PKP4: variants seen among roughly 807,000 people sequenced by gnomAD.
The protein encoded by PKP4 is plakophilin-4.
Under a neutral mutation model 145.1 loss-of-function variants are expected in PKP4, and 90 were observed. The observed-to-expected ratio is 0.62, with a 90% CI of 0.52 to 0.74. The LOEUF (loss-of-function observed/expected upper bound fraction) is 0.74, where lower values mean the gene tolerates loss of function less well. PKP4 is among the 30% of genes least tolerant of loss of function. The pLI is 0.00. For missense variants in PKP4, 1,340 were observed against 1,482.7 expected (o/e 0.90, Z 1.58); for synonymous variants, 563 against 577.2 (o/e 0.98, Z 0.35).
chr2:158,562,306 G>A (rs1226836314), intron 2 of PKP4, among the ~76,000 whole-genome samples: 1 of 152,138 alleles, frequency 6.6e-6, no homozygotes, highest in Admixed American at 6.5e-5. Context: ...TATATATTGC[G>A]ATGGAATATT....
At chr2:158,554,199 T>A (rs903768416) in intron 2 of PKP4, among the ~76,000 whole-genome samples, 2 of 151,966 alleles carry the variant, frequency 1.3e-5, no homozygotes, top group Non-Finnish European at 2.9e-5. Flanking sequence ...CTTCTGGCAC[T>A]CACTGTCATT....
intron 17 of PKP4, among the ~76,000 whole-genome samples, chr2:158,670,192 A>G (rs565805827): frequency 1.3e-5 from 2 of 152,276 alleles, no homozygotes; most frequent in South Asian, 2.1e-4. Context: ...CTGTAACAAA[A>G]TGTTGTGAAC....
In PKP4 at chr2:158,476,839, G is replaced by A. The variant is rs193188518; in HGVS notation, c.-6+19621G>A. Among the ~76,000 whole-genome samples the A allele has an allele frequency of 9.7e-4, 147 of 152,128 alleles. 1 individual carries two copies. The highest frequency in any genetic ancestry group is 1.9e-3 in the Non-Finnish European group (132 of 68,004). On this transcript the variant is annotated intron_variant, in intron 1 of 21. Coordinates refer to ENST00000389759, the MANE Select transcript of PKP4 (RefSeq NM_003628.6). ...GCTGCATTCACAGGTGACCACTGATGTCATTTTGTTTTATATGCTTCCAGG... is the reference window on the plus strand; with the variant it reads ...GCTGCATTCACAGGTGACCACTGATATCATTTTGTTTTATATGCTTCCAGG...
rs573088666 is a variant in PKP4, at chr2:158,498,450, T to C, written c.-5-34730T>C. 3.3e-5 allele frequency among the ~76,000 whole-genome samples: 5 copies of C among 152,368 alleles called. No individual in the cohort carries two copies. In the East Asian group the frequency reaches 5.8e-4, roughly 18 times the overall value. On this transcript the variant is annotated intron_variant, in intron 1 of 21. Coordinates refer to ENST00000389759, the MANE Select transcript of PKP4 (RefSeq NM_003628.6). ...TCAGATTTTTTGTTGTGAGATGCTT[T>C]AAAAATGTTAACATTTTATCATGTT...
At chr2:158,547,382 T>C (rs1423337371) in intron 2 of PKP4, among the ~76,000 whole-genome samples, 2 of 152,150 alleles carry the variant, frequency 1.3e-5, no homozygotes, top group African/African-American at 2.4e-5. Flanking sequence ...AAAAATCTGC[T>C]GAGTGAAGGA....
intron 11 of PKP4, among the ~76,000 whole-genome samples, chr2:158,655,166 A>G (rs879367170): frequency 1.3e-5 from 2 of 152,220 alleles, no homozygotes; most frequent in Non-Finnish European, 2.9e-5. Flanking sequence ...TGATGCTACC[A>G]TTGTTTACAT....
At chr2:158,616,929 A>G (rs1053441050) in intron 4 of PKP4, among the ~76,000 whole-genome samples, 2 of 152,080 alleles carry the variant, frequency 1.3e-5, no homozygotes, top group African/African-American at 4.8e-5. Flanking sequence ...TCATGCACAC[A>G]CTGTATATTT....
intron 1 of PKP4, among the ~76,000 whole-genome samples, chr2:158,522,902 C>T (rs959262433): frequency 1.3e-5 from 2 of 152,222 alleles, no homozygotes; most frequent in African/African-American, 4.8e-5. Context: ...CACTCCCACC[C>T]GAATACTGCC....
At chr2:158,566,406 CTGTGTAGTCAA>C (rs2046991104) in intron 2 of PKP4, among the ~76,000 whole-genome samples, 1 of 151,932 alleles carries the variant, frequency 6.6e-6, no homozygotes, top group South Asian at 2.1e-4. Context: ...TTATCATATA[CTGTGTAGTCAA>C]TTAACCCCCA....
intron 6 of PKP4, among the ~76,000 whole-genome samples, chr2:158,621,926 T>C (rs2052302683): frequency 6.6e-6 from 1 of 152,328 alleles, no homozygotes; most frequent in East Asian, 1.9e-4. Context: ...TTAGCTCCCA[T>C]TGATGAATTC....
chr2:158,551,176 T>A (rs932232042), intron 2 of PKP4, among the ~76,000 whole-genome samples: 1 of 152,206 alleles, frequency 6.6e-6, no homozygotes, highest in Non-Finnish European at 1.5e-5. Flanking sequence ...CCTGTGGTCT[T>A]TGGGTCAACT....
intron 2 of PKP4, among the ~76,000 whole-genome samples, chr2:158,550,128 T>C (rs2045467553): frequency 1.9e-5 from 2 of 104,180 alleles, no homozygotes; most frequent in Non-Finnish European, 5.4e-5. Context: ...AAAACATTAC[T>C]TTTCTGCCAA....
intron 7 of PKP4, among the ~76,000 whole-genome samples, chr2:158,631,417 C>G (rs1231166451): frequency 1.3e-5 from 2 of 151,428 alleles, no homozygotes; most frequent in Non-Finnish European, 2.9e-5. Flanking sequence ...AGGGCCTCAC[C>G]TGGTCACCCA....
At chr2:158,468,769 TC>T (rs1158100438) in intron 1 of PKP4, among the ~76,000 whole-genome samples, 43 of 68,624 alleles carry the variant, frequency 6.3e-4, no homozygotes, top group Admixed American at 2.9e-3. Context: ...TTCTTCTTCT[TC>T]TTTTTTTTTT....
At chr2:158,671,359 G>T (rs900327046) in intron 17 of PKP4, among the ~76,000 whole-genome samples, 1 of 140,834 alleles carries the variant, frequency 7.1e-6, no homozygotes. Context: ...TATTTAATTA[G>T]TAATAAATGG....
intron 1 of PKP4, among the ~76,000 whole-genome samples, chr2:158,494,417 TGTTA>T (rs1199596398): frequency 3.7e-4 from 56 of 152,312 alleles, no homozygotes; most frequent in Non-Finnish European, 8.8e-5. Flanking sequence ...AAATAAAATG[TGTTA>T]GTTATTTGAA....
intron 1 of PKP4, among the ~76,000 whole-genome samples, chr2:158,530,575 C>G (rs1367235600): frequency 1.6e-5 from 2 of 128,794 alleles, no homozygotes; most frequent in African/African-American, 6.1e-5. Flanking sequence ...CCAGTCTTAG[C>G]TTGATACTTT....
chr2:158,492,604 T>C (rs937069816), intron 1 of PKP4, among the ~76,000 whole-genome samples: 17 of 152,168 alleles, frequency 1.1e-4, no homozygotes, highest in African/African-American at 4.1e-4. Flanking sequence ...TTCATCTGTC[T>C]TGCCCATCAA....
chr2:158,639,252 C>G (rs1051803199), intron 9 of PKP4, among the ~76,000 whole-genome samples: 2 of 152,068 alleles, frequency 1.3e-5, no homozygotes, highest in African/African-American at 4.8e-5. Flanking sequence ...TAAATAGAAT[C>G]GTATCTTACC....
Sources: allele counts gnomAD v4.1 joint callset (sites outside exome capture counted in the v4.1 genomes callset), GRCh38; gene constraint gnomAD v4.1.1; transcripts MANE v1.5; gene names NCBI Gene and HGNC (gene_info 2026-07-23, HGNC 2026-07-21).